The following HRG variants were observed in gnomAD, a reference collection of about 807,000 sequenced individuals.
HRG encodes histidine rich glycoprotein, also known as histidine-rich glycoprotein.
A neutral mutation model predicts 29.5 loss-of-function variants in HRG; 26 were observed. The ratio of observed to expected loss-of-function variants is 0.88; its 90% CI spans 0.65 to 1.22. The LOEUF (loss-of-function observed/expected upper bound fraction) is 1.22. Ranked by LOEUF, HRG falls within the 50% of genes most tolerant of loss-of-function variation. The pLI is 0.00. For synonymous variants in HRG, 243 were observed against 240.4 expected, an observed-to-expected ratio of 1.01 and a Z score of -0.10; for missense variants, 671 against 654.5, an observed-to-expected ratio of 1.03 and a Z score of -0.28.
rs1348279307 is a variant in HRG at position 186,677,385 on chromosome 3, T to A, written c.1080T>A (p.His360Gln). 1.2e-6 allele frequency: 2 copies of A among 1,613,020 alleles called. No individual in the cohort carries two copies. Among genetic ancestry groups the A allele is most frequent in the Non-Finnish European group, 1.7e-6 (2 of 1,179,588 alleles). Residue 360 changes from histidine (H) to glutamine (Q), a missense_variant, in exon 7 of 7, where the codon CAT becomes CAA. Transcript: ENST00000232003. ...HPHKHHSHEQ[H>Q]PHGHHPHAHH... is the part of the protein sequence containing the mutation. Reference sequence around the variant, plus strand: ...ATAAGCATCATTCCCATGAACAGCATCCCCACGGACACCATCCCCATGCAC... The same window carrying A: ...ATAAGCATCATTCCCATGAACAGCAACCCCACGGACACCATCCCCATGCAC...
chr3:186,677,052 T>C lies in HRG; in HGVS notation c.747T>C (p.His249=). ...TTTTCTGTGACCTTTTCCAGGAACA[T>C]GAGAACATCAATGGTGTACCGCCTC... ...INCEVFDPQE[H]ENINGVPPHL... is the part of the protein sequence containing the mutation. Residue 249 remains histidine, a synonymous_variant, in exon 7 of 7, where the codon CAT becomes CAC. Coordinates refer to ENST00000232003, the MANE Select transcript of HRG (RefSeq NM_000412.5). 7.4e-6 allele frequency: 12 copies of C among 1,614,022 alleles called. No homozygotes were observed. The highest frequency in any genetic ancestry group is 1.0e-5 in the Non-Finnish European group (12 of 1,179,882).
At chr3:186,669,170 A>T in intron 2 of HRG, 119 bp downstream of exon 2, 1 of 772,366 alleles carries the variant, frequency 1.3e-6, no homozygotes, top group South Asian at 1.4e-5. Context: ...TTGCCTTGAG[A>T]TTCATGAAGA....
In HRG at chr3:186,669,948, A is replaced by C. The variant is rs1011034660; in HGVS notation, c.311A>C (p.Gln104Pro). 6.3e-7 allele frequency: 1 copy of C among 1,575,482 alleles called. No individual in the cohort carries two copies. Among genetic ancestry groups the C allele is most frequent in the Non-Finnish European group, 8.7e-7 (1 of 1,146,682 alleles). Reference sequence around the variant, plus strand: ...GCCTCTTTCTTACAGGTGATCGGACAATGTAAGGTAATAGCTACAAGACAT... The same window carrying C: ...GCCTCTTTCTTACAGGTGATCGGACCATGTAAGGTAATAGCTACAAGACAT... ...SRRPSEIVIGQCKVIATRHSH... is the reference protein window; with the variant it reads ...SRRPSEIVIGPCKVIATRHSH... The change falls in exon 3 of 7, where the codon CAA (glutamine) becomes CCA (proline). Residue 104 changes from glutamine to proline, a missense_variant. Gln to Pro is a moderately conservative substitution (Grantham distance 76). Transcript: ENST00000232003.
intron 3 of HRG, 68 bp downstream of exon 3, chr3:186,670,096 G>C: frequency 1.2e-6 from 1 of 843,228 alleles, no homozygotes; most frequent in Admixed American, 1.7e-5. Flanking sequence ...AGTGGTATTT[G>C]TCTCATCTAT....
chr3:186,669,170 A>C, intron 2 of HRG, 119 bp downstream of exon 2: 1 of 772,366 alleles, frequency 1.3e-6, no homozygotes, highest in Admixed American at 1.7e-5. Context: ...TTGCCTTGAG[A>C]TTCATGAAGA....
In HRG at chr3:186,666,044, A is replaced by T. The variant is rs781333544; in HGVS notation, c.13A>T (p.Ile5Phe). 1.9e-6 allele frequency: 3 copies of T among 1,614,222 alleles called. No homozygotes were observed. Among genetic ancestry groups the T allele is most frequent in the Non-Finnish European group, 2.5e-6 (3 of 1,180,022 alleles). MKAL[I>F]AALLLITLQY... ...ATGGTTTAACAAAATGAAGGCACTC[A>T]TTGCAGCACTGCTTTTGATCACATT... The change falls in exon 1 of 7, where the codon ATT becomes TTT. Residue 5 changes from isoleucine (I) to phenylalanine (F), a missense_variant. By Grantham distance (21) the Ile-to-Phe change is conservative (BLOSUM62 0). Coordinates refer to ENST00000232003, the MANE Select transcript of HRG (RefSeq NM_000412.5).
chr3:186,674,890 G>C (rs891205827), intron 5 of HRG, 199 bp from the exon 6 acceptor site: 1 of 600,660 alleles, frequency 1.7e-6, no homozygotes, highest in Non-Finnish European at 3.1e-6. Flanking sequence ...AGCAACTTTA[G>C]TGATACCCTT....
intron 1 of HRG, among the ~76,000 whole-genome samples, chr3:186,668,350 A>G (rs1394094621): frequency 6.6e-6 from 1 of 152,208 alleles, no homozygotes; most frequent in Admixed American, 6.5e-5. Flanking sequence ...GACGTTGCCA[A>G]GAAAGACCAT....
At chr3:186,676,902 C>T (rs1041410940) in intron 6 of HRG, 145 bp from the exon 7 acceptor site, 1 of 862,652 alleles carries the variant, frequency 1.2e-6, no homozygotes, top group Non-Finnish European at 1.9e-6. Flanking sequence ...GGCTAGATAA[C>T]AATTTGAGAA....
intron 4 of HRG, among the ~76,000 whole-genome samples, chr3:186,672,257 T>C (rs1201315704): frequency 1.2e-4 from 18 of 152,240 alleles, no homozygotes; most frequent in Admixed American, 1.2e-3. Context: ...TGACATTTGC[T>C]ATGCATTCAG....
In HRG at chr3:186,666,105, G is replaced by A; in HGVS notation, c.74G>A (p.Ser25Asn). Reference sequence around the variant, plus strand: ...TGTGCCGTGAGTCCCACTGACTGCAGTGCTGTTGAGCCGGAGGCTGAGAAA... The same window carrying A: ...TGTGCCGTGAGTCCCACTGACTGCAATGCTGTTGAGCCGGAGGCTGAGAAA... ...YSCAVSPTDC[S>N]AVEPEAEKAL... Residue 25 changes from serine (S) to asparagine (N), a missense_variant, in exon 1 of 7, where the codon AGT (serine) becomes AAT (asparagine). By Grantham distance (46) the Ser-to-Asn change is conservative (BLOSUM62 1). Transcript: ENST00000232003. The A allele has an allele frequency of 6.2e-7, 1 of 1,614,198 alleles. No individual in the cohort carries two copies. The highest frequency in any genetic ancestry group is 8.5e-7 in the Non-Finnish European group (1 of 1,179,996).
At chr3:186,674,363 C>G (rs1345364601) in intron 5 of HRG, 4 of 157,546 alleles carry the variant, frequency 2.5e-5, no homozygotes, top group African/African-American at 9.6e-5. Flanking sequence ...AGTATTATCC[C>G]CATTTTACAA....
intron 2 of HRG, among the ~76,000 whole-genome samples, chr3:186,669,286 T>C (rs1718710649): frequency 1.3e-5 from 2 of 152,158 alleles, no homozygotes; most frequent in South Asian, 4.1e-4. Flanking sequence ...CAGCTGTGGG[T>C]CCTTGGGTAA....
intron 2 of HRG, 66 bp from the exon 3 acceptor site, chr3:186,669,872 C>T (rs992547911): frequency 3.6e-6 from 3 of 824,398 alleles, no homozygotes; most frequent in South Asian, 2.7e-5. Flanking sequence ...TTTGCTCTTT[C>T]ATATCTGACC....
Position 186,678,173 on chromosome 3 carries a change from A to G in HRG, c.*290A>G, listed in dbSNP as rs1166698164. The G allele has an allele frequency of 7.4e-6, 3 of 403,208 alleles. No homozygotes were observed. Among genetic ancestry groups the G allele is most frequent in the Admixed American group, 3.8e-5 (1 of 26,630 alleles). 25.0% of individuals were successfully genotyped at this position (403,208 alleles called of 1,614,324 possible). ...CTTTCCTGGACTTAACTCTAATTCT[A>G]GAGTCTCTGTTACTGCTTGGGCTAT... On this transcript the variant is annotated 3_prime_UTR_variant, in exon 7 of 7. Transcript: ENST00000232003.
chr3:186,672,713 T>C (rs1352003709), intron 4 of HRG, 74 bp from the exon 5 acceptor site: 10 of 901,890 alleles, frequency 1.1e-5, no homozygotes, highest in Middle Eastern at 2.1e-4. Context: ...AAATATTGAA[T>C]GGTAGTTATC....
chr3:186,677,565 AC>A lies in HRG; in HGVS notation c.1264del (p.His422IlefsTer17), dbSNP rs756643944. The A allele has an allele frequency of 6.2e-7, 1 of 1,613,704 alleles. No individual in the cohort carries two copies. The highest frequency in any genetic ancestry group is 8.5e-7 in the Non-Finnish European group (1 of 1,179,852). ...FQDYGPCDPP[P>X]HNQGHCCHGH... ...AAGACTATGGACCTTGTGACCCACC[AC>A]CCCATAACCAAGGTCACTGTTGCCA... On this transcript the variant is annotated frameshift_variant, in exon 7 of 7. Coordinates refer to ENST00000232003, the MANE Select transcript of HRG (RefSeq NM_000412.5). LOFTEE classifies it low-confidence loss of function (END_TRUNC).
rs1719014379 is a variant in HRG at position 186,677,047 on chromosome 3, G to A, written c.742G>A (p.Glu248Lys). 1 of 1,613,960 alleles carries A rather than the reference G, an allele frequency of 6.2e-7. No homozygotes were observed. The highest frequency in any genetic ancestry group is 8.5e-7 in the Non-Finnish European group (1 of 1,179,950). ...VINCEVFDPQ[E>K]HENINGVPPH... is the part of the protein sequence containing the mutation. Reference sequence around the variant, plus strand: ...GGCACTTTTCTGTGACCTTTTCCAGGAACATGAGAACATCAATGGTGTACC... The same window carrying A: ...GGCACTTTTCTGTGACCTTTTCCAGAAACATGAGAACATCAATGGTGTACC... The change falls in exon 7 of 7, where the codon GAA (glutamate) becomes AAA (lysine). Residue 248 changes from glutamate to lysine, a missense_variant and splice_region_variant. Physicochemically the swap from Glu to Lys is moderately conservative, Grantham distance 56. Coordinates refer to ENST00000232003, the MANE Select transcript of HRG (RefSeq NM_000412.5).
chr3:186,677,333 A>G lies in HRG; in HGVS notation c.1028A>G (p.Asn343Ser). Residue 343 changes from asparagine (N) to serine (S), a missense_variant, in exon 7 of 7, where the codon AAT (asparagine) becomes AGT (serine). By Grantham distance (46) the Asn-to-Ser change is conservative. Transcript: ENST00000232003. The part of the protein sequence containing the change: ...GTNGAQRHSH[N>S]NNSSDLHPHK... ...AATGGGGCCCAAAGACATTCTCATA[A>G]TAATAATTCCAGTGACCTCCATCCC... The G allele has an allele frequency of 6.2e-7, 1 of 1,614,104 alleles. No homozygotes were observed. Among genetic ancestry groups the G allele is most frequent in the South Asian group, 1.1e-5 (1 of 91,068 alleles).
Sources: gnomAD v4.1 joint callset for allele counts (sites outside exome capture counted in the v4.1 genomes callset) on GRCh38, gnomAD v4.1.1 for gene constraint, MANE v1.5 for transcripts, NCBI Gene and HGNC (gene_info 2026-07-23, HGNC 2026-07-21) for gene names.